Variants in BCAS3 observed in about 807,000 individuals in gnomAD.
The protein encoded by BCAS3 is BCAS4/BCAS3 fusion.
A neutral mutation model predicts 116.1 loss-of-function variants in BCAS3; 53 were observed. The ratio of observed to expected loss-of-function variants is 0.46; its 90% confidence interval spans 0.37 to 0.57. BCAS3 has a LOEUF of 0.57. BCAS3 is among the 20% of genes least tolerant of loss of function. The pLI is 0.00. For synonymous variants in BCAS3, 391 were observed against 408.2 expected (o/e 0.96, Z 0.51); for missense variants, 917 against 1,165.4 (o/e 0.79, Z 3.10).
chr17:61,054,925 T>G (rs568565259), intron 19 of BCAS3, among the ~76,000 whole-genome samples: 2 of 152,190 alleles, frequency 1.3e-5, no homozygotes, highest in African/African-American at 4.8e-5. Context: ...TTCTGATAGA[T>G]TAAAGAAAAA....
chr17:61,329,037 G>A (rs1387398896), intron 22 of BCAS3, among the ~76,000 whole-genome samples: 1 of 151,718 alleles, frequency 6.6e-6, no homozygotes, highest in Non-Finnish European at 1.5e-5. Flanking sequence ...TGGGACTACA[G>A]GTGCCCACCA....
chr17:60,989,480 T>C (rs1157795496), intron 14 of BCAS3, among the ~76,000 whole-genome samples: 1 of 110,794 alleles, frequency 9.0e-6, no homozygotes, highest in Admixed American at 8.2e-5. Flanking sequence ...AATAAAGTTG[T>C]TTTTTTTTTT....
rs532855039 is a variant in BCAS3, at chr17:60,848,059, G to A, written c.477-20517G>A. Reference sequence around the variant, plus strand: ...ACTTGTCCCAACATAATTTACTGAAGAGACTGTCCTTTCCCCCATTGAATA... The same window carrying A: ...ACTTGTCCCAACATAATTTACTGAAAAGACTGTCCTTTCCCCCATTGAATA... On this transcript the variant is annotated intron_variant, in intron 7 of 23. Coordinates refer to ENST00000407086, the MANE Select transcript of BCAS3 (RefSeq NM_017679.5). Among the ~76,000 whole-genome samples the A allele has an allele frequency of 5.2e-4, 79 of 152,260 alleles. 3 individuals carry two copies. In the South Asian group the frequency reaches 0.016, roughly 30 times the overall value.
At chr17:60,893,753 C>T (rs2057334405) in intron 10 of BCAS3, among the ~76,000 whole-genome samples, 1 of 151,840 alleles carries the variant, frequency 6.6e-6, no homozygotes, top group Admixed American at 6.6e-5. Flanking sequence ...GGACTATAGG[C>T]ACATGCTACC....
intron 23 of BCAS3, among the ~76,000 whole-genome samples, chr17:61,374,311 C>T (rs1052917222): frequency 1.3e-5 from 2 of 151,642 alleles, no homozygotes; most frequent in African/African-American, 4.9e-5. Flanking sequence ...GCTAGGACTA[C>T]AGGCATATGC....
chr17:61,001,484 G>C (rs2064234841), intron 15 of BCAS3, among the ~76,000 whole-genome samples: 1 of 152,130 alleles, frequency 6.6e-6, no homozygotes, highest in South Asian at 2.1e-4. Context: ...ATGATAATGT[G>C]ATGTTTCTTG....
intron 2 of BCAS3, among the ~76,000 whole-genome samples, chr17:60,680,547 G>T (rs974765586): frequency 6.6e-6 from 1 of 152,010 alleles, no homozygotes. Context: ...AAGTGTCATA[G>T]TATATGTCTC....
At position 60,808,079 on chromosome 17, in the gene BCAS3, A is replaced by G; in HGVS notation, c.476+3A>G. The G allele has an allele frequency of 6.3e-7, 1 of 1,586,146 alleles. No individual in the cohort carries two copies. The highest frequency in any genetic ancestry group is 8.6e-7 in the Non-Finnish European group (1 of 1,161,734). On this transcript the variant is annotated splice_donor_region_variant and intron_variant, in intron 7 of 23. Transcript: ENST00000407086. ...TGTAAGAGCATTGGATCTTCTGGGT[A>G]AGGAAATTTTAAAAATTCTTTGTAT...
At chr17:60,758,262 T>C (rs1417696300) in intron 6 of BCAS3, among the ~76,000 whole-genome samples, 1 of 152,196 alleles carries the variant, frequency 6.6e-6, no homozygotes, top group African/African-American at 2.4e-5. Context: ...CATTTGAGAA[T>C]TGTTTTTTCT....
At chr17:61,057,124 A>G (rs1344271477) in intron 19 of BCAS3, among the ~76,000 whole-genome samples, 1 of 152,230 alleles carries the variant, frequency 6.6e-6, no homozygotes, top group Non-Finnish European at 1.5e-5. Flanking sequence ...GTATATCTGC[A>G]TCTCTTTGCC....
At chr17:60,992,716 T>A (rs900704669) in intron 15 of BCAS3, among the ~76,000 whole-genome samples, 1 of 152,308 alleles carries the variant, frequency 6.6e-6, no homozygotes, top group African/African-American at 2.4e-5. Flanking sequence ...AAAAAGTATA[T>A]AGAATTTTTA....
intron 9 of BCAS3, among the ~76,000 whole-genome samples, chr17:60,885,706 C>CT (rs1215690338): frequency 6.8e-6 from 1 of 147,528 alleles, no homozygotes; most frequent in Non-Finnish European, 1.5e-5. Context: ...ACTTATGAAG[C>CT]TTAGTTTGGC....
chr17:60,876,703 C>T (rs1231747706), intron 9 of BCAS3, among the ~76,000 whole-genome samples: 1 of 152,030 alleles, frequency 6.6e-6, no homozygotes, highest in Non-Finnish European at 1.5e-5. Flanking sequence ...TAACCAACAC[C>T]GTTTTGGAAT....
chr17:60,723,260 C>G (rs1359374298), intron 5 of BCAS3, among the ~76,000 whole-genome samples: 1 of 152,070 alleles, frequency 6.6e-6, no homozygotes, highest in African/African-American at 2.4e-5. Context: ...GAGTCTTGCT[C>G]TGTTGCCCAG....
At chr17:61,172,739 A>G (rs1359646205) in intron 22 of BCAS3, among the ~76,000 whole-genome samples, 1 of 151,424 alleles carries the variant, frequency 6.6e-6, no homozygotes, top group Admixed American at 6.6e-5. Context: ...TAATCCCAGC[A>G]CTTTGGGAGG....
At chr17:61,135,342 A>G (rs1010880711) in intron 22 of BCAS3, among the ~76,000 whole-genome samples, 6 of 152,240 alleles carry the variant, frequency 3.9e-5, no homozygotes, top group African/African-American at 1.2e-4. Context: ...CACAAAATTT[A>G]TATCTGCATT....
rs961074088 is a variant in BCAS3, at chr17:61,377,915, T to C, written c.2593+9421T>C. 2.6e-5 allele frequency: 4 copies of C among 152,228 alleles called. No homozygotes were observed. The highest frequency in any genetic ancestry group is 4.4e-5 in the Non-Finnish European group (3 of 68,038). 9.4% of individuals were successfully genotyped at this position (152,228 alleles called of 1,614,324 possible). ...AAATTTGGGAAGAGGTTCCAGTTATTAAGATCCTGCCGGTCTCCCATGGTC... is the reference window on the plus strand; with the variant it reads ...AAATTTGGGAAGAGGTTCCAGTTATCAAGATCCTGCCGGTCTCCCATGGTC... On this transcript the variant is annotated intron_variant, in intron 23 of 23. Transcript: ENST00000407086. The surrounding 1 kb of genome is among the most constrained non-coding windows in gnomAD (Gnocchi z 4.6).
At chr17:60,940,430 C>G (rs1311513693) in intron 13 of BCAS3, among the ~76,000 whole-genome samples, 3 of 152,132 alleles carry the variant, frequency 2.0e-5, no homozygotes, top group Non-Finnish European at 4.4e-5. Flanking sequence ...GTTTATGCTG[C>G]CCATATGGAG....
chr17:61,147,026 C>G (rs1011933814), intron 22 of BCAS3, among the ~76,000 whole-genome samples: 1 of 151,674 alleles, frequency 6.6e-6, no homozygotes, highest in Admixed American at 6.6e-5. Context: ...GCAACCCTCC[C>G]GCCTCATCCT....
Sources: gnomAD v4.1 joint callset for allele counts (sites outside exome capture counted in the v4.1 genomes callset) on GRCh38, gnomAD v4.1.1 for gene constraint, Gnocchi (gnomAD v3.1) non-coding constraint, MANE v1.5 for transcripts, NCBI Gene and HGNC (gene_info 2026-07-23, HGNC 2026-07-21) for gene names.